The following ADGRV1 variants were observed in gnomAD, a reference collection of about 807,000 sequenced individuals.
The protein encoded by ADGRV1 is G-protein coupled receptor 98.
In ADGRV1, 359 loss-of-function variants were observed where a neutral mutation model predicts 596.2. The ratio of observed to expected loss-of-function variants is 0.60; its 90% confidence interval spans 0.55 to 0.66. The LOEUF (loss-of-function observed/expected upper bound fraction) is 0.66, where lower values mean the gene tolerates loss of function less well. ADGRV1 is among the 30% of genes least tolerant of loss of function. The probability of loss-of-function intolerance (pLI) is 0.00; values close to 1 mark genes in which losing one functional copy is unlikely to be tolerated. For missense variants in ADGRV1, 7,274 were observed against 7,575.6 expected, an observed-to-expected ratio of 0.96 and a Z score of 1.48; for synonymous variants, 2,681 against 2,679.2, an observed-to-expected ratio of 1.00 and a Z score of -0.02.
chr5:90,844,737 C>A (rs1415720457), intron 78 of ADGRV1, among the ~76,000 whole-genome samples: 1 of 152,072 alleles, frequency 6.6e-6, no homozygotes, highest in Non-Finnish European at 1.5e-5. Flanking sequence ...ATAATTAGTT[C>A]TGTAAAAGTT....
chr5:90,869,279 T>G (rs1166177779), intron 83 of ADGRV1, among the ~76,000 whole-genome samples: 1 of 152,114 alleles, frequency 6.6e-6, no homozygotes, highest in Non-Finnish European at 1.5e-5. Context: ...CAAAGACATC[T>G]AAGTTATAGT....
rs16868917 is a variant in ADGRV1 at position 90,647,838 on chromosome 5, A to G, written c.3289+74A>G. On this transcript the variant is annotated intron_variant, in intron 17 of 89. Transcript: ENST00000405460. Reference sequence around the variant, plus strand: ...AAGATGAAATTAAGCACTGCAGTCCAATAATGAGGACAAGTAGGGCCTAAC... The same window carrying G: ...AAGATGAAATTAAGCACTGCAGTCCGATAATGAGGACAAGTAGGGCCTAAC... The G allele has an allele frequency of 0.078, 101,641 of 1,308,522 alleles. 4,738 individuals are homozygous for G. The highest frequency in any genetic ancestry group is 0.2 in the East Asian group (8,464 of 43,148). The allele number at this position is 1,308,522 out of a possible 1,614,324, so 81.1% of individuals were successfully genotyped here.
intron 58 of ADGRV1, among the ~76,000 whole-genome samples, chr5:90,761,797 A>T (rs553153204): frequency 6.6e-6 from 1 of 152,322 alleles, no homozygotes; most frequent in South Asian, 2.1e-4. Flanking sequence ...AATTCATTAG[A>T]TGTCCATGGC....
At chr5:91,129,363 T>C (rs1009231423) in intron 87 of ADGRV1, among the ~76,000 whole-genome samples, 2 of 152,264 alleles carry the variant, frequency 1.3e-5, no homozygotes, top group African/African-American at 4.8e-5. Context: ...GTGAGTTCTA[T>C]AATTACTTGC....
At position 90,866,315 on chromosome 5, in the gene ADGRV1, A is replaced by ATGTGTGTGTGTGTG. The variant is rs149341618; in HGVS notation, c.17856+2474_17856+2487dup. On this transcript the variant is annotated intron_variant, in intron 83 of 89. Transcript: ENST00000405460. The stretch of plus-strand genomic sequence containing the variant: ...ACTATAATTTATTGTGTATGTGTAT[A>ATGTGTGTGTGTGTG]TGTGTGTGTGTGTGTGTGTGTGTGT... 5.1e-3 allele frequency among the ~76,000 whole-genome samples: 711 copies of ATGTGTGTGTGTGTG among 138,314 alleles called. 1 individual carries two copies. The highest frequency in any genetic ancestry group is 0.02 in the South Asian group (89 of 4,486). The allele number at this position is 138,314 out of a possible 152,430, so 90.7% of individuals were successfully genotyped here. A position where few individuals can be genotyped will look rare whatever the true frequency, so the allele number is the denominator to read the frequency against.
At chr5:91,155,579 A>C (rs1159700894) in intron 89 of ADGRV1, among the ~76,000 whole-genome samples, 4 of 152,256 alleles carry the variant, frequency 2.6e-5, no homozygotes, top group African/African-American at 9.6e-5. Context: ...TCACATTAGC[A>C]TTTTAGCAGC....
intron 83 of ADGRV1, among the ~76,000 whole-genome samples, chr5:90,869,094 A>G (rs1302617450): frequency 1.3e-5 from 2 of 152,180 alleles, no homozygotes; most frequent in African/African-American, 2.4e-5. Flanking sequence ...AGTAAGAACC[A>G]AGTATATACA....
At chr5:90,934,430 A>C (rs1241835342) in intron 83 of ADGRV1, among the ~76,000 whole-genome samples, 1 of 152,174 alleles carries the variant, frequency 6.6e-6, no homozygotes, top group Non-Finnish European at 1.5e-5. Context: ...TAAGTCTAAT[A>C]AAATCCTGCT....
intron 86 of ADGRV1, among the ~76,000 whole-genome samples, chr5:91,081,629 T>C (rs1789392237): frequency 6.6e-6 from 1 of 151,580 alleles, no homozygotes; most frequent in African/African-American, 2.4e-5. Context: ...CTACAAAAAA[T>C]ACAAAAATTA....
At chr5:90,849,344 A>G (rs1232837326) in intron 79 of ADGRV1, among the ~76,000 whole-genome samples, 1 of 152,182 alleles carries the variant, frequency 6.6e-6, no homozygotes, top group East Asian at 1.9e-4. Context: ...CTATATGTTA[A>G]CATACCTCTA....
chr5:90,899,928 C>T (rs1194258684), intron 83 of ADGRV1, among the ~76,000 whole-genome samples: 2 of 152,170 alleles, frequency 1.3e-5, no homozygotes, highest in Admixed American at 1.3e-4. Flanking sequence ...TCCTGTCCAC[C>T]TGAGATGACA....
chr5:90,641,767 C>T lies in ADGRV1; in HGVS notation c.2241-869C>T, dbSNP rs191229953. On this transcript the variant is annotated intron_variant, in intron 11 of 89. Coordinates refer to ENST00000405460, the MANE Select transcript of ADGRV1 (RefSeq NM_032119.4). ...TGAATATATTTTTGGTTCAATAGGA[C>T]GTGACATTTCGCAAGGTTTAGAGCA... Among the ~76,000 whole-genome samples, 24 of 152,192 alleles carry T rather than the reference C, an allele frequency of 1.6e-4. No individual in the cohort carries two copies. In the East Asian group the frequency reaches 3.3e-3, roughly 21 times the overall value.
At chr5:91,127,998 A>G (rs1041607493) in intron 87 of ADGRV1, among the ~76,000 whole-genome samples, 1 of 152,042 alleles carries the variant, frequency 6.6e-6, no homozygotes, top group Non-Finnish European at 1.5e-5. Context: ...TTAATTTTAA[A>G]CAATCAACAG....
At chr5:90,986,300 A>G (rs1201241789) in intron 85 of ADGRV1, among the ~76,000 whole-genome samples, 1 of 151,842 alleles carries the variant, frequency 6.6e-6, no homozygotes, top group Non-Finnish European at 1.5e-5. Flanking sequence ...CCTATTCACA[A>G]TCTTTTGAAG....
intron 1 of ADGRV1, among the ~76,000 whole-genome samples, chr5:90,596,713 C>T (rs142783850): frequency 2.0e-5 from 3 of 152,012 alleles, no homozygotes; most frequent in South Asian, 2.1e-4. Context: ...TCAGGCAGGG[C>T]GGTTGCAGTG....
At chr5:90,778,844 A>G in intron 63 of ADGRV1, 21 bp from the exon 64 acceptor site, 6 of 1,579,936 alleles carry the variant, frequency 3.8e-6, no homozygotes, top group Non-Finnish European at 5.2e-6. Context: ...CAAATCAAAT[A>G]AGAAAATGCA....
intron 85 of ADGRV1, among the ~76,000 whole-genome samples, chr5:91,057,072 C>T (rs988733148): frequency 2.0e-5 from 3 of 152,178 alleles, no homozygotes; most frequent in African/African-American, 7.2e-5. Flanking sequence ...TTTGTACCAA[C>T]CTAATATTTT....
chr5:90,853,134 A>G, intron 79 of ADGRV1, 150 bp from the exon 80 acceptor site: 1 of 671,744 alleles, frequency 1.5e-6, no homozygotes, highest in Non-Finnish European at 2.4e-6. Flanking sequence ...AAAGAACTGA[A>G]GGCACATTCT....
rs1044711091 is a variant in ADGRV1, at chr5:91,090,437, A to G, written c.18311-11782A>G. Among the ~76,000 whole-genome samples the G allele has an allele frequency of 5.3e-5, 8 of 152,134 alleles. 1 individual carries two copies. The South Asian group carries it at 8.3e-4, about 16-fold the overall frequency. On this transcript the variant is annotated intron_variant, in intron 86 of 89. Transcript: ENST00000405460. The stretch of plus-strand genomic sequence containing the variant: ...ATTTTTTTTTCAACCCCAATAAATC[A>G]CATTCAAAGTAGACCTGACACTGGA...
Sources: allele counts gnomAD v4.1 joint callset (sites outside exome capture counted in the v4.1 genomes callset), GRCh38; gene constraint gnomAD v4.1.1; transcripts MANE v1.5; gene names NCBI Gene and HGNC (gene_info 2026-07-23, HGNC 2026-07-21).